SOX5: variants seen among roughly 807,000 people sequenced by gnomAD.
The protein encoded by SOX5 is SRY-box transcription factor 5, also known as transcription factor SOX-5.
SOX5 carries 9 observed loss-of-function variants against 92.0 expected under a neutral mutation model. The observed-to-expected ratio is 0.10, with a 90% confidence interval of 0.06 to 0.17. SOX5 has a LOEUF of 0.17. Among genes scored for constraint, SOX5 ranks in the 10% least tolerant of loss-of-function variants. The probability of loss-of-function intolerance (pLI) is 1.00; values close to 1 mark genes in which losing one functional copy is unlikely to be tolerated. For missense variants in SOX5, 642 were observed against 944.5 expected (o/e 0.68, Z 4.20); for synonymous variants, 344 against 336.3 (o/e 1.02, Z -0.25).
intron 4 of SOX5, among the ~76,000 whole-genome samples, chr12:24,007,851 CAG>C (rs1952489754): frequency 6.8e-6 from 1 of 147,814 alleles, no homozygotes; most frequent in Non-Finnish European, 1.5e-5. Context: ...AATGAAGAAA[CAG>C]AGGCAGTAAG....
At position 23,913,316 on chromosome 12, in the gene SOX5, A is replaced by T. The variant is rs557064705; in HGVS notation, c.39-17292T>A. Reference sequence around the variant, plus strand: ...CAAGCTTTTATTGAACATTGTTGTTAGATCTACATTAGGTACATGTTTTTT... The same window carrying T: ...CAAGCTTTTATTGAACATTGTTGTTTGATCTACATTAGGTACATGTTTTTT... On this transcript the variant is annotated intron_variant, in intron 1 of 14. Transcript: ENST00000451604. Among the ~76,000 whole-genome samples, 9 of 152,200 alleles carry T rather than the reference A, an allele frequency of 5.9e-5. No homozygotes were observed. The South Asian group carries it at 1.0e-3, about 18-fold the overall frequency.
intron 7 of SOX5, among the ~76,000 whole-genome samples, chr12:23,659,965 T>C (rs1327703251): frequency 6.6e-6 from 1 of 151,510 alleles, no homozygotes; most frequent in Non-Finnish European, 1.5e-5. Flanking sequence ...CTCCAAAAAA[T>C]GAAAAAAAGA....
At chr12:24,320,362 A>G (rs1950091596) in intron 2 of SOX5, among the ~76,000 whole-genome samples, 1 of 152,274 alleles carries the variant, frequency 6.6e-6, no homozygotes, top group East Asian at 1.9e-4. Flanking sequence ...TGAACTCTTG[A>G]TAACTTCATC....
At chr12:23,906,681 A>C (rs1260672944) in intron 1 of SOX5, among the ~76,000 whole-genome samples, 1 of 152,220 alleles carries the variant, frequency 6.6e-6, no homozygotes, top group Non-Finnish European at 1.5e-5. Context: ...AGTAAAAACT[A>C]TCTCTTCCGA....
At chr12:24,181,272 C>A (rs1485519550) in intron 4 of SOX5, among the ~76,000 whole-genome samples, 6 of 152,172 alleles carry the variant, frequency 3.9e-5, no homozygotes, top group Admixed American at 6.5e-5. Context: ...TTAGATAATG[C>A]CTACTTAACT....
intron 1 of SOX5, among the ~76,000 whole-genome samples, chr12:24,536,789 C>T (rs1951678367): frequency 6.6e-6 from 1 of 152,148 alleles, no homozygotes; most frequent in African/African-American, 2.4e-5. Flanking sequence ...TTAAAATAAG[C>T]AGCATTCGTA....
intron 1 of SOX5, among the ~76,000 whole-genome samples, chr12:24,392,975 A>G (rs981285962): frequency 6.6e-6 from 1 of 152,164 alleles, no homozygotes; most frequent in African/African-American, 2.4e-5. Flanking sequence ...TAACTACATC[A>G]ATCAATAGAC....
chr12:24,256,162 T>C (rs75504574), intron 3 of SOX5, among the ~76,000 whole-genome samples: 3,467 of 152,298 alleles, frequency 0.023, 114 homozygotes, highest in African/African-American at 0.076. Flanking sequence ...CCGAGATGTG[T>C]GGCAGATAAA....
At position 23,533,117 on chromosome 12, in the gene SOX5, T is replaced by C. The variant is rs1939435957; in HGVS notation, c.*1102A>G. On this transcript the variant is annotated 3_prime_UTR_variant, in exon 15 of 15. Coordinates refer to ENST00000451604, the MANE Select transcript of SOX5 (RefSeq NM_006940.6). Reference sequence around the variant, plus strand: ...CCCTATACTTGGTTAAGTTGTCATTTGAAGTGCAAAGTCAAGGTCAAGATT... The same window carrying C: ...CCCTATACTTGGTTAAGTTGTCATTCGAAGTGCAAAGTCAAGGTCAAGATT... 2.2e-6 allele frequency: 1 copy of C among 454,014 alleles called. No individual in the cohort carries two copies. Among genetic ancestry groups the C allele is most frequent in the Non-Finnish European group, 4.4e-6 (1 of 225,826 alleles). The allele number at this position is 454,014 out of a possible 1,614,324, so 28.1% of individuals were successfully genotyped here.
chr12:23,704,641 A>G (rs2091114890), intron 6 of SOX5, among the ~76,000 whole-genome samples: 1 of 147,250 alleles, frequency 6.8e-6, no homozygotes, highest in Non-Finnish European at 1.5e-5. Context: ...AAATAAAAAC[A>G]TAATTGATGA....
intron 4 of SOX5, among the ~76,000 whole-genome samples, chr12:24,084,074 T>G (rs78867381): frequency 0.019 from 2,910 of 152,148 alleles, 39 homozygotes; most frequent in African/African-American, 0.046. Flanking sequence ...TCTGTATGAT[T>G]TGGAAACCAC....
intron 4 of SOX5, among the ~76,000 whole-genome samples, chr12:23,970,840 A>ATTTTTTT: frequency 3.0e-5 from 1 of 33,470 alleles, no homozygotes; most frequent in African/African-American, 1.0e-4. Flanking sequence ...ATATATATAT[A>ATTTTTTT]ATTTTTTTTT....
At chr12:23,649,076 T>A (rs117794255) in intron 7 of SOX5, among the ~76,000 whole-genome samples, 3,007 of 152,254 alleles carry the variant, frequency 0.02, 40 homozygotes, top group Middle Eastern at 0.031. Flanking sequence ...TTGGTTGAAG[T>A]ATGCTCCTGG....
intron 3 of SOX5, among the ~76,000 whole-genome samples, chr12:24,220,049 TCCTG>T (rs961168147): frequency 1.3e-5 from 2 of 152,104 alleles, no homozygotes; most frequent in African/African-American, 4.8e-5. Flanking sequence ...AGCTTTTTTT[TCCTG>T]CCTATTTGAA....
intron 1 of SOX5, among the ~76,000 whole-genome samples, chr12:24,427,066 T>G (rs1355933078): frequency 6.6e-6 from 1 of 152,226 alleles, no homozygotes; most frequent in African/African-American, 2.4e-5. Flanking sequence ...GGAAGTCTCC[T>G]TGTGGAATGG....
chr12:23,564,703 T>C (rs1946773840), intron 10 of SOX5, among the ~76,000 whole-genome samples: 1 of 152,200 alleles, frequency 6.6e-6, no homozygotes, highest in Non-Finnish European at 1.5e-5. Context: ...AAAGGAAATA[T>C]AAAATGGCTA....
intron 1 of SOX5, among the ~76,000 whole-genome samples, chr12:24,370,476 C>CAAAAAAAAAAAAAA (rs57192965): frequency 2.5e-5 from 2 of 79,728 alleles, no homozygotes; most frequent in African/African-American, 1.0e-4. Context: ...GACTCCGTCT[C>CAAAAAAAAAAAAAA]AAAAAAAAAA....
At chr12:24,557,511 A>G (rs1314283500) in intron 1 of SOX5, among the ~76,000 whole-genome samples, 1 of 152,078 alleles carries the variant, frequency 6.6e-6, no homozygotes, top group African/African-American at 2.4e-5. Context: ...TCACAGACCT[A>G]CAAATGAGAT....
chr12:23,730,141 A>G (rs2093335862), intron 6 of SOX5, among the ~76,000 whole-genome samples: 1 of 152,186 alleles, frequency 6.6e-6, no homozygotes, highest in African/African-American at 2.4e-5. Context: ...AAACAGGTTG[A>G]TTTAATGTAA....
Sources: gnomAD v4.1 joint callset for allele counts (sites outside exome capture counted in the v4.1 genomes callset) on GRCh38, gnomAD v4.1.1 for gene constraint, MANE v1.5 for transcripts, NCBI Gene and HGNC (gene_info 2026-07-23, HGNC 2026-07-21) for gene names.